RASGEF1B: variants seen among roughly 807,000 people sequenced by gnomAD.
RASGEF1B encodes RasGEF domain family member 1B.
A neutral mutation model predicts 65.7 loss-of-function variants in RASGEF1B; 30 were observed. That is an observed-to-expected ratio of 0.46 (90% confidence interval 0.34 to 0.62). RASGEF1B has a LOEUF of 0.62. Among genes scored for constraint, RASGEF1B ranks in the 20% least tolerant of loss-of-function variants. RASGEF1B has a pLI of 0.01. For synonymous variants in RASGEF1B, 175 were observed against 194.8 expected, an observed-to-expected ratio of 0.90 and a Z score of 0.85; for missense variants, 495 against 580.1, an observed-to-expected ratio of 0.85 and a Z score of 1.51.
In RASGEF1B at chr4:81,427,349, G is replaced by C. The variant is rs112320709; in HGVS notation, c.*419C>G. The C allele has an allele frequency of 8.9e-4, 147 of 165,332 alleles. 1 individual carries two copies. The highest frequency in any genetic ancestry group is 3.3e-3 in the African/African-American group (140 of 41,954). 10.2% of individuals were successfully genotyped at this position (165,332 alleles called of 1,614,324 possible). A position where few individuals can be genotyped will look rare whatever the true frequency, so the allele number is the denominator to read the frequency against. On this transcript the variant is annotated 3_prime_UTR_variant, in exon 14 of 14. Coordinates refer to ENST00000264400, the MANE Select transcript of RASGEF1B (RefSeq NM_152545.3). ...CCTTTCTTCATTTAAGTTAACAAAA[G>C]AAACGTGGGCTTCCTCAGAGCCAGC...
At chr4:81,445,127 G>GAA (rs1300937264) in intron 8 of RASGEF1B, among the ~76,000 whole-genome samples, 1 of 152,158 alleles carries the variant, frequency 6.6e-6, no homozygotes, top group Admixed American at 6.5e-5. Context: ...CTAGAAGCCT[G>GAA]AACAGTTAGA....
chr4:81,431,238 T>C (rs1012893140), intron 13 of RASGEF1B, among the ~76,000 whole-genome samples: 10 of 148,036 alleles, frequency 6.8e-5, no homozygotes, highest in African/African-American at 2.5e-4. Flanking sequence ...CAAAATTATA[T>C]ATATTTTATA....
chr4:81,438,772 TC>T (rs570835326), intron 10 of RASGEF1B, among the ~76,000 whole-genome samples: 8 of 151,092 alleles, frequency 5.3e-5, no homozygotes, highest in Non-Finnish European at 8.9e-5. Context: ...CCTCCCTGTG[TC>T]CATGTGTTCT....
chr4:81,454,708 T>C (rs984680847), intron 4 of RASGEF1B: 1 of 152,218 alleles, frequency 6.6e-6, no homozygotes, highest in African/African-American at 2.4e-5. Context: ...CCGTCATAAC[T>C]TGCACAGTGA....
At chr4:81,463,164 T>C (rs1425586192) in intron 1 of RASGEF1B, among the ~76,000 whole-genome samples, 5 of 152,248 alleles carry the variant, frequency 3.3e-5, no homozygotes, top group Non-Finnish European at 5.9e-5. Context: ...TTACATGTTC[T>C]ACATAAATCC....
At position 81,433,864 on chromosome 4, in the gene RASGEF1B, T is replaced by G; in HGVS notation, c.1300A>C (p.Thr434Pro). 3 of 1,614,104 alleles carry G rather than the reference T, an allele frequency of 1.9e-6. No homozygotes were observed. Among genetic ancestry groups the G allele is most frequent in the Non-Finnish European group, 2.5e-6 (3 of 1,179,972 alleles). Reference sequence around the variant, plus strand: ...CCATCTTCACTGAAGACTGGTACTGTGAGCAGATACTGCAAGATCTTCCGG... The same window carrying G: ...CCATCTTCACTGAAGACTGGTACTGGGAGCAGATACTGCAAGATCTTCCGG... ...RDRKILQYLL[T>P]VPVFSEDALY... The change falls in exon 12 of 14, where the codon ACA becomes CCA. Residue 434 changes from threonine to proline, a missense_variant. Coordinates refer to ENST00000264400, the MANE Select transcript of RASGEF1B (RefSeq NM_152545.3).
In RASGEF1B at chr4:81,432,313, T is replaced by A; in HGVS notation, c.1383A>T (p.Arg461Ser). ...EGPENHIEKDRWKSLRSSLLG... is the reference protein window; with the variant it reads ...EGPENHIEKDSWKSLRSSLLG... ...ATGAGACCCACCTTAAAGACTTCCA[T>A]CTGTCTTTCTCTATATGATTTTCAG... The change falls in exon 13 of 14, where the codon AGA becomes AGT. Residue 461 changes from arginine (R) to serine (S), a missense_variant. Physicochemically the swap from Arg to Ser is moderately radical, Grantham distance 110 (BLOSUM62 -1). Coordinates refer to ENST00000264400, the MANE Select transcript of RASGEF1B (RefSeq NM_152545.3). 6.2e-7 allele frequency: 1 copy of A among 1,605,308 alleles called. No individual in the cohort carries two copies. Among genetic ancestry groups the A allele is most frequent in the Non-Finnish European group, 8.5e-7 (1 of 1,172,442 alleles).
At chr4:81,428,264 T>C (rs1200735031) in intron 13 of RASGEF1B, among the ~76,000 whole-genome samples, 1 of 152,202 alleles carries the variant, frequency 6.6e-6, no homozygotes, top group Admixed American at 6.5e-5. Context: ...TGAATGGCTC[T>C]AGGGCCACCA....
chr4:81,442,874 T>C (rs549352231), intron 8 of RASGEF1B, among the ~76,000 whole-genome samples: 1 of 152,384 alleles, frequency 6.6e-6, no homozygotes, highest in South Asian at 2.1e-4. Flanking sequence ...TCACTGGTCA[T>C]AAAGAAACCA....
chr4:81,465,752 T>C (rs948099407), intron 1 of RASGEF1B, among the ~76,000 whole-genome samples: 2 of 152,196 alleles, frequency 1.3e-5, no homozygotes, highest in Non-Finnish European at 2.9e-5. Context: ...TAAGGTGGTT[T>C]CAGGTGACAA....
chr4:81,447,697 C>T, intron 5 of RASGEF1B, 119 bp from the exon 6 acceptor site: 2 of 773,666 alleles, frequency 2.6e-6, no homozygotes, highest in Non-Finnish European at 4.3e-6. Flanking sequence ...ATAAAATAAA[C>T]CTTTAGCCCT....
At position 81,426,612 on chromosome 4, in the gene RASGEF1B, CTGTT is replaced by C. The variant is rs1177181313; in HGVS notation, c.*1152_*1155del. The C allele has an allele frequency of 6.6e-6, 1 of 152,174 alleles. No individual in the cohort carries two copies. The highest frequency in any genetic ancestry group is 1.9e-4 in the East Asian group (1 of 5,202). The allele number at this position is 152,174 out of a possible 1,614,324, so 9.4% of individuals were successfully genotyped here. A position where few individuals can be genotyped will look rare whatever the true frequency, so the allele number is the denominator to read the frequency against. Reference sequence around the variant, plus strand: ...CTTCTAGAGTAAATAAATATAATGGCTGTTTGCAGAGCGACTACAGACTTACTTA... The same window carrying C: ...CTTCTAGAGTAAATAAATATAATGGCTGCAGAGCGACTACAGACTTACTTA... On this transcript the variant is annotated 3_prime_UTR_variant, in exon 14 of 14. Coordinates refer to ENST00000264400, the MANE Select transcript of RASGEF1B (RefSeq NM_152545.3).
chr4:81,468,195 C>T (rs1722911746), intron 1 of RASGEF1B, among the ~76,000 whole-genome samples: 1 of 152,244 alleles, frequency 6.6e-6, no homozygotes, highest in Middle Eastern at 3.4e-3. Context: ...TATTTTTCTA[C>T]ACCTAATTCA....
At chr4:81,454,252 C>G (rs1040551517) in intron 4 of RASGEF1B, 1 of 152,178 alleles carries the variant, frequency 6.6e-6, no homozygotes, top group Non-Finnish European at 1.5e-5. Flanking sequence ...ATGATCTCCC[C>G]TTTGACTGCC....
intron 1 of RASGEF1B, among the ~76,000 whole-genome samples, chr4:81,462,777 G>A (rs549876120): frequency 6.6e-6 from 1 of 152,226 alleles, no homozygotes; most frequent in East Asian, 1.9e-4. Context: ...CCCCATTCCA[G>A]GTCTCTCTTA....
Position 81,435,367 on chromosome 4 carries a change from C to T in RASGEF1B, c.1105-633G>A, listed in dbSNP as rs867572910. 1.1e-4 allele frequency among the ~76,000 whole-genome samples: 15 copies of T among 137,114 alleles called. 1 individual carries two copies. The highest frequency in any genetic ancestry group is 7.6e-4 in the South Asian group (3 of 3,948). The allele number at this position is 137,114 out of a possible 152,430, so 90.0% of individuals were successfully genotyped here. A position where few individuals can be genotyped will look rare whatever the true frequency, so the allele number is the denominator to read the frequency against. On this transcript the variant is annotated intron_variant, in intron 10 of 13. Coordinates refer to ENST00000264400, the MANE Select transcript of RASGEF1B (RefSeq NM_152545.3). ...CGGAGCTTGCAGTGAGCCGAGATTGCGCCACTGCAGTCCGCAGTCCGGCCT... is the reference window on the plus strand; with the variant it reads ...CGGAGCTTGCAGTGAGCCGAGATTGTGCCACTGCAGTCCGCAGTCCGGCCT...
intron 10 of RASGEF1B, among the ~76,000 whole-genome samples, chr4:81,435,156 A>C (rs936818102): frequency 1.3e-5 from 2 of 152,086 alleles, no homozygotes; most frequent in Non-Finnish European, 2.9e-5. Flanking sequence ...TCACGCCTGT[A>C]ATCCCAGCAC....
intron 1 of RASGEF1B, among the ~76,000 whole-genome samples, chr4:81,467,222 T>C (rs1722870326): frequency 6.6e-6 from 1 of 152,194 alleles, no homozygotes; most frequent in Admixed American, 6.5e-5. Context: ...AAAAGTTAAT[T>C]TCCATTCTGC....
At chr4:81,465,930 G>GT (rs1029197671) in intron 1 of RASGEF1B, among the ~76,000 whole-genome samples, 34 of 152,262 alleles carry the variant, frequency 2.2e-4, no homozygotes, top group African/African-American at 7.9e-4. Context: ...GAAAAAAAAG[G>GT]TTTATTTTTT....
Sources: allele counts gnomAD v4.1 joint callset (sites outside exome capture counted in the v4.1 genomes callset), GRCh38; gene constraint gnomAD v4.1.1; transcripts MANE v1.5; gene names NCBI Gene and HGNC (gene_info 2026-07-23, HGNC 2026-07-21).